The following P3H3 variants were observed in gnomAD, a reference collection of about 807,000 sequenced individuals.
P3H3 encodes the protein gene rich cluster, B.
In P3H3, 64 loss-of-function variants were observed where a neutral mutation model predicts 78.1. The ratio of observed to expected loss-of-function variants is 0.82; its 90% CI spans 0.67 to 1.01. P3H3 has a LOEUF of 1.01. P3H3 is among the 50% of genes least tolerant of loss of function. The pLI, the probability that P3H3 is intolerant of heterozygous loss-of-function variation, is 0.00. For missense variants in P3H3, 975 were observed against 982.2 expected, an observed-to-expected ratio of 0.99 and a Z score of 0.10; for synonymous variants, 425 against 416.7, an observed-to-expected ratio of 1.02 and a Z score of -0.24.
intron 6 of P3H3, among the ~76,000 whole-genome samples, chr12:6,832,655 G>A (rs1943460543): frequency 6.6e-6 from 1 of 151,804 alleles, no homozygotes; most frequent in African/African-American, 2.4e-5. Context: ...AGGCTGGAGG[G>A]CAATGGTGCG....
At chr12:6,833,709 G>A in intron 7 of P3H3, 33 bp from the exon 8 acceptor site, 1 of 1,600,180 alleles carries the variant, frequency 6.2e-7, no homozygotes, top group Non-Finnish European at 8.6e-7. Context: ...GGACTGTCCT[G>A]GGCACCCACT....
rs1943506482 is a variant in P3H3 at position 6,837,118 on chromosome 12, T to A, written c.1560+32T>A. On this transcript the variant is annotated intron_variant, in intron 10 of 14. Coordinates refer to ENST00000290510, the MANE Select transcript of P3H3 (RefSeq NM_014262.5). ...ACAGGAGGCACCCGGGCCCGTCTGATGCCCAGACCTGGAGGAGAGGCTGTG... is the reference window on the plus strand; with the variant it reads ...ACAGGAGGCACCCGGGCCCGTCTGAAGCCCAGACCTGGAGGAGAGGCTGTG... The A allele has an allele frequency of 2.6e-6, 4 of 1,546,860 alleles. No individual in the cohort carries two copies. The Admixed American group carries it at 5.1e-5, about 20-fold the overall frequency.
At position 6,829,443 on chromosome 12, in the gene P3H3, A is replaced by C. The variant is rs1050033099; in HGVS notation, c.499-416A>C. 4.1e-6 allele frequency: 1 copy of C among 241,654 alleles called. No individual in the cohort carries two copies. Among genetic ancestry groups the C allele is most frequent in the Non-Finnish European group, 8.0e-6 (1 of 124,646 alleles). The allele number at this position is 241,654 out of a possible 1,614,324, so 15.0% of individuals were successfully genotyped here. A position where few individuals can be genotyped will look rare whatever the true frequency, so the allele number is the denominator to read the frequency against. On this transcript the variant is annotated intron_variant, in intron 1 of 14. Coordinates refer to ENST00000290510, the MANE Select transcript of P3H3 (RefSeq NM_014262.5). The surrounding 1 kb of genome is among the most constrained non-coding windows in gnomAD (Gnocchi z 5.1). ...ACGCCGCAGCCGCCGGTACCGCAGC[A>C]GTTGCCTACGTGGCTGGGGAAGCGG...
rs1213442046 is a variant in P3H3, at chr12:6,831,140, C to A, written c.986-76C>A. On this transcript the variant is annotated intron_variant, in intron 4 of 14. Coordinates refer to ENST00000290510, the MANE Select transcript of P3H3 (RefSeq NM_014262.5). This position sits in a 1 kb window ranked among gnomAD's most constrained non-coding sequence, Gnocchi z 4.6. The stretch of plus-strand genomic sequence containing the variant: ...GGCCTCTGGAGACCACCTTCTCCAG[C>A]ACTGCCTCTGCCCCAAGGATCAATG... 6.3e-7 allele frequency: 1 copy of A among 1,585,970 alleles called. No individual in the cohort carries two copies. The highest frequency in any genetic ancestry group is 1.3e-5 in the African/African-American group (1 of 74,314).
intron 6 of P3H3, 137 bp from the exon 7 acceptor site, chr12:6,833,455 C>G: frequency 1.3e-6 from 1 of 781,576 alleles, no homozygotes; most frequent in Non-Finnish European, 2.2e-6. Flanking sequence ...GGGCTCCTGA[C>G]ATTGAGTCCC....
In P3H3 at chr12:6,839,028, T is replaced by C. The variant is rs1231145886; in HGVS notation, c.1934T>C (p.Leu645Pro). Residue 645 changes from leucine (L) to proline (P), a missense_variant, in exon 14 of 15, where the codon CTT becomes CCT. Physicochemically the swap from Leu to Pro is moderately conservative, Grantham distance 98. Coordinates refer to ENST00000290510, the MANE Select transcript of P3H3 (RefSeq NM_014262.5). ...CGGGTGCGTCCTCGCTGTGGGCGCC[T>C]TGTGGCCTTCAGCTCCGGTGTCGAG... The part of the protein sequence containing the change: ...TARVRPRCGR[L>P]VAFSSGVENP... The C allele has an allele frequency of 3.7e-6, 6 of 1,609,992 alleles. No homozygotes were observed. The African/African-American group carries it at 8.0e-5, about 22-fold the overall frequency.
At chr12:6,830,875 C>T (rs1024827589) in intron 4 of P3H3, 105 bp downstream of exon 4, 6 of 1,494,034 alleles carry the variant, frequency 4.0e-6, no homozygotes, top group Non-Finnish European at 5.6e-6. Context: ...TGTAGTTTCA[C>T]TGTCAGGGCT....
chr12:6,828,478 T>G lies in P3H3; in HGVS notation c.38T>G (p.Leu13Arg). ...RLLRPLLLLL[L>R]LPPPGSPEPP... Reference sequence around the variant, plus strand: ...CTCCGGCCGCTGCTGCTACTGCTGCTGCTGCCTCCCCCGGGGTCCCCTGAG... The same window carrying G: ...CTCCGGCCGCTGCTGCTACTGCTGCGGCTGCCTCCCCCGGGGTCCCCTGAG... The change falls in exon 1 of 15, where the codon CTG (leucine) becomes CGG (arginine). Residue 13 changes from leucine to arginine, a missense_variant. Transcript: ENST00000290510. 1 of 1,277,130 alleles carries G rather than the reference T, an allele frequency of 7.8e-7. No homozygotes were observed. The highest frequency in any genetic ancestry group is 1.1e-6 in the Non-Finnish European group (1 of 952,162). The allele number at this position is 1,277,130 out of a possible 1,614,324, so 79.1% of individuals were successfully genotyped here. A position where few individuals can be genotyped will look rare whatever the true frequency, so the allele number is the denominator to read the frequency against.
chr12:6,830,410 C>T lies in P3H3; in HGVS notation c.709C>T (p.Pro237Ser), dbSNP rs782465818. 5 of 1,588,578 alleles carry T rather than the reference C, an allele frequency of 3.1e-6. No homozygotes were observed. In the African/African-American group the frequency reaches 5.4e-5, roughly 17 times the overall value. ...LGRQEAGLAL[P>S]RLEEALQGSL... ...GCGCCAGGAGGCAGGACTGGCACTG[C>T]CCAGGCTAGAGGAGGCTCTTCAGGG... The change falls in exon 3 of 15, where the codon CCC (proline) becomes TCC (serine). Residue 237 changes from proline to serine, a missense_variant. Physicochemically the swap from Pro to Ser is moderately conservative, Grantham distance 74. Transcript: ENST00000290510.
Position 6,831,948 on chromosome 12 carries a change from C to G in P3H3, c.1212+34C>G. Reference sequence around the variant, plus strand: ...CTCCACTTCTGCCCATCTCACCCCTCCGCACTCCCAGGAGGGATGGCACTT... The same window carrying G: ...CTCCACTTCTGCCCATCTCACCCCTGCGCACTCCCAGGAGGGATGGCACTT... On this transcript the variant is annotated intron_variant, in intron 6 of 14. Coordinates refer to ENST00000290510, the MANE Select transcript of P3H3 (RefSeq NM_014262.5). The surrounding 1 kb of genome is among the most constrained non-coding windows in gnomAD (Gnocchi z 4.6). 7.9e-7 allele frequency: 1 copy of G among 1,266,422 alleles called. No individual in the cohort carries two copies. The highest frequency in any genetic ancestry group is 1.1e-6 in the Non-Finnish European group (1 of 876,130). The allele number at this position is 1,266,422 out of a possible 1,614,324, so 78.4% of individuals were successfully genotyped here.
chr12:6,833,123 T>A (rs1555121663), intron 6 of P3H3, among the ~76,000 whole-genome samples: 1 of 151,970 alleles, frequency 6.6e-6, no homozygotes, highest in African/African-American at 2.4e-5. Context: ...TGCAGTGAGC[T>A]GAGATCGCGC....
chr12:6,830,567 T>G lies in P3H3; in HGVS notation c.853+13T>G. On this transcript the variant is annotated intron_variant, in intron 3 of 14. Coordinates refer to ENST00000290510, the MANE Select transcript of P3H3 (RefSeq NM_014262.5). ...GAGGCCATTGCAGGTAAGGGTCCCG[T>G]GTGTGAGGGGGTGGGTCGGTGCCCA... The G allele has an allele frequency of 6.3e-7, 1 of 1,576,894 alleles. No individual in the cohort carries two copies. Among genetic ancestry groups the G allele is most frequent in the Non-Finnish European group, 8.6e-7 (1 of 1,161,404 alleles).
At chr12:6,835,876 A>G (rs556965885) in intron 9 of P3H3, among the ~76,000 whole-genome samples, 9 of 152,252 alleles carry the variant, frequency 5.9e-5, no homozygotes, top group Middle Eastern at 3.4e-3. Flanking sequence ...AGAGCCCTCT[A>G]GTGGCAGTCT....
At chr12:6,836,842 A>C (rs1231345986) in intron 9 of P3H3, 143 bp from the exon 10 acceptor site, 1 of 626,162 alleles carries the variant, frequency 1.6e-6, no homozygotes, top group African/African-American at 1.8e-5. Context: ...AAAGAGCAGC[A>C]GCTCAGGAAG....
chr12:6,837,589 C>T lies in P3H3; in HGVS notation c.1711+16C>T, dbSNP rs781896176. 1 of 1,610,076 alleles carries T rather than the reference C, an allele frequency of 6.2e-7. No homozygotes were observed. Among genetic ancestry groups the T allele is most frequent in the Admixed American group, 1.7e-5 (1 of 59,596 alleles). The stretch of plus-strand genomic sequence containing the variant: ...GCCATAGAAGGTACGACAGGGACCC[C>T]CCACTGCTCTTCTCCAACCTCAGGC... On this transcript the variant is annotated intron_variant, in intron 11 of 14. Transcript: ENST00000290510.
chr12:6,839,699 C>G lies in P3H3; in HGVS notation c.*238C>G, dbSNP rs1428182397. ...CGGGGCCCCGCTGCCGGACCTGCAG[C>G]CCTGGACAGATGGGGAACACTGTGC... On this transcript the variant is annotated 3_prime_UTR_variant, in exon 15 of 15. Transcript: ENST00000290510. 3 of 538,680 alleles carry G rather than the reference C, an allele frequency of 5.6e-6. No individual in the cohort carries two copies. The East Asian group carries it at 8.9e-5, about 16-fold the overall frequency. 33.4% of individuals were successfully genotyped at this position (538,680 alleles called of 1,614,324 possible).
rs782606726 is a variant in P3H3 at position 6,831,907 on chromosome 12, A to G, written c.1205A>G (p.Lys402Arg). ...YAMEHLGTSF[K>R]DPDPWTPAAL... ...ATGGAGCACCTGGGGACCAGCTTCA[A>G]GGATCCTGTGAGTCACTCCACTTCT... Residue 402 changes from lysine to arginine, a missense_variant, in exon 6 of 15, where the codon AAG (lysine) becomes AGG (arginine). Transcript: ENST00000290510. The surrounding 1 kb of genome is among the most constrained non-coding windows in gnomAD (Gnocchi z 4.6). 2.5e-5 allele frequency: 39 copies of G among 1,591,594 alleles called. No homozygotes were observed. Among genetic ancestry groups the G allele is most frequent in the Non-Finnish European group, 3.1e-5 (36 of 1,162,616 alleles).
chr12:6,832,777 T>A (rs1943461587), intron 6 of P3H3, among the ~76,000 whole-genome samples: 1 of 149,440 alleles, frequency 6.7e-6, no homozygotes, highest in Admixed American at 6.7e-5. Flanking sequence ...AATTTTTGTA[T>A]TTTTAGTAGA....
At position 6,839,250 on chromosome 12, in the gene P3H3, G is replaced by A. The variant is rs1565515403; in HGVS notation, c.2047-47G>A. ...AGGGTCAGGGGCTGAGCTGACCCAG[G>A]GAAGGTGGGTGCAGGGAATGGGCCA... On this transcript the variant is annotated intron_variant, in intron 14 of 14. Transcript: ENST00000290510. 3 of 1,561,828 alleles carry A rather than the reference G, an allele frequency of 1.9e-6. No individual in the cohort carries two copies. In the East Asian group the frequency reaches 7.1e-5, roughly 37 times the overall value.
Sources: gnomAD v4.1 joint callset for allele counts (sites outside exome capture counted in the v4.1 genomes callset) on GRCh38, gnomAD v4.1.1 for gene constraint, Gnocchi (gnomAD v3.1) non-coding constraint, MANE v1.5 for transcripts, NCBI Gene and HGNC (gene_info 2026-07-23, HGNC 2026-07-21) for gene names.